CHGA: variants seen among roughly 807,000 people sequenced by gnomAD.
CHGA encodes chromogranin-A.
A neutral mutation model predicts 54.4 loss-of-function variants in CHGA; 41 were observed. That is an observed-to-expected ratio of 0.75 (90% CI 0.59 to 0.98). The LOEUF (loss-of-function observed/expected upper bound fraction) is 0.98, where lower values mean the gene tolerates loss of function less well. Ranked by LOEUF, CHGA falls within the 50% of genes least tolerant of loss-of-function variation. The pLI, the probability that CHGA is intolerant of heterozygous loss-of-function variation, is 0.00. For synonymous variants in CHGA, 249 were observed against 232.8 expected, an observed-to-expected ratio of 1.07 and a Z score of -0.63; for missense variants, 576 against 582.3, an observed-to-expected ratio of 0.99 and a Z score of 0.11.
chr14:92,923,289 T>C lies in CHGA; in HGVS notation c.-71T>C. On this transcript the variant is annotated 5_prime_UTR_variant, in exon 1 of 8. Coordinates refer to ENST00000216492, the MANE Select transcript of CHGA (RefSeq NM_001275.4). Reference sequence around the variant, plus strand: ...ACCGCAGCCCGACCCCGGCCGCCAGTCCAGCCGCCCCTCGCCCGGTGCCTA... The same window carrying C: ...ACCGCAGCCCGACCCCGGCCGCCAGCCCAGCCGCCCCTCGCCCGGTGCCTA... 1 of 1,246,020 alleles carries C rather than the reference T, an allele frequency of 8.0e-7. No individual in the cohort carries two copies. Among genetic ancestry groups the C allele is most frequent in the Non-Finnish European group, 1.0e-6 (1 of 994,306 alleles). 77.2% of individuals were successfully genotyped at this position (1,246,020 alleles called of 1,614,324 possible).
Position 92,923,246 on chromosome 14 carries a change from C to G in CHGA, c.-114C>G, listed in dbSNP as rs923153054. ...GACGCACGCCGAGGCACTGCGCCCC[C>G]AGCCCCGCGCCGGTGCCACCGCAGC... On this transcript the variant is annotated 5_prime_UTR_variant, in exon 1 of 8. Coordinates refer to ENST00000216492, the MANE Select transcript of CHGA (RefSeq NM_001275.4). The G allele has an allele frequency of 7.6e-5, 75 of 991,814 alleles. No homozygotes were observed. The highest frequency in any genetic ancestry group is 8.6e-5 in the Non-Finnish European group (67 of 774,800). 61.4% of individuals were successfully genotyped at this position (991,814 alleles called of 1,614,324 possible). A position where few individuals can be genotyped will look rare whatever the true frequency, so the allele number is the denominator to read the frequency against.
At chr14:92,929,571 A>G (rs1223298772) in intron 4 of CHGA, 146 bp from the exon 5 acceptor site, 5 of 706,626 alleles carry the variant, frequency 7.1e-6, no homozygotes, top group Admixed American at 2.3e-5. Context: ...CCGCTCCCCA[A>G]GCTCACGCCC....
chr14:92,927,664 TGA>T (rs761109376), intron 4 of CHGA, 46 bp downstream of exon 4: 7 of 1,452,436 alleles, frequency 4.8e-6, no homozygotes, highest in South Asian at 3.6e-5. Context: ...TTCCAGTAAC[TGA>T]GAGTCAGAAA....
At chr14:92,925,100 T>C (rs578249040) in intron 2 of CHGA, among the ~76,000 whole-genome samples, 2 of 152,338 alleles carry the variant, frequency 1.3e-5, no homozygotes, top group African/African-American at 4.8e-5. Flanking sequence ...TACCACTCAT[T>C]CTAGCTGTGT....
At position 92,929,775 on chromosome 14, in the gene CHGA, A is replaced by G; in HGVS notation, c.315A>G (p.Ser105=). The change falls in exon 5 of 8, where the codon TCA becomes TCG. Residue 105 remains serine (S), a synonymous_variant. Coordinates refer to ENST00000216492, the MANE Select transcript of CHGA (RefSeq NM_001275.4). ...ACAGCGGTTTTGAAGATGAACTCTC[A>G]GAGGTTCTTGAGAACCAGAGCAGCC... ...KKHSGFEDEL[S]EVLENQSSQA... 6.2e-7 allele frequency: 1 copy of G among 1,613,630 alleles called. No homozygotes were observed. Among genetic ancestry groups the G allele is most frequent in the Non-Finnish European group, 8.5e-7 (1 of 1,180,020 alleles).
At position 92,923,397 on chromosome 14, in the gene CHGA, C is replaced by A; in HGVS notation, c.38C>A (p.Ala13Asp). ...GCTGTCCTGGCTCTTCTGCTCTGCG[C>A]CGGGCAAGGTGAGCGAGCGCGGGGA... ...SAAVLALLLC[A>D]GQVTALPVNS... Residue 13 changes from alanine to aspartate, a missense_variant, in exon 1 of 8, where the codon GCC becomes GAC. Transcript: ENST00000216492. 7.9e-7 allele frequency: 1 copy of A among 1,268,026 alleles called. No individual in the cohort carries two copies. The highest frequency in any genetic ancestry group is 9.9e-7 in the Non-Finnish European group (1 of 1,009,026). The allele number at this position is 1,268,026 out of a possible 1,614,324, so 78.5% of individuals were successfully genotyped here.
At position 92,932,956 on chromosome 14, in the gene CHGA, C is replaced by T. The variant is rs376195304; in HGVS notation, c.1290+105C>T. ...CCCCACTGAGGGGACAGGGCCCCCC[C>T]GCCGAAGTCTGGGGATGGAGAGATG... is the stretch of plus-strand genomic sequence containing the variant. On this transcript the variant is annotated intron_variant, in intron 7 of 7. Transcript: ENST00000216492. This position sits in a 1 kb window ranked among gnomAD's most constrained non-coding sequence, Gnocchi z 5.3. The T allele has an allele frequency of 1.1e-5, 15 of 1,416,580 alleles. No individual in the cohort carries two copies. Among genetic ancestry groups the T allele is most frequent in the African/African-American group, 7.2e-5 (5 of 69,282 alleles). 87.8% of individuals were successfully genotyped at this position (1,416,580 alleles called of 1,614,324 possible).
intron 7 of CHGA, among the ~76,000 whole-genome samples, chr14:92,933,468 A>G (rs1377322082): frequency 6.6e-6 from 1 of 152,150 alleles, no homozygotes; most frequent in African/African-American, 2.4e-5. Flanking sequence ...TTTGAAAACC[A>G]GGGCCCCTGG....
At chr14:92,934,712 C>T in intron 7 of CHGA, 89 bp from the exon 8 acceptor site, 1 of 956,212 alleles carries the variant, frequency 1.0e-6, no homozygotes, top group Non-Finnish European at 1.6e-6. Context: ...TGTCCGAGGC[C>T]ACACAGCTAA....
Position 92,932,243 on chromosome 14 carries a change from C to T in CHGA, c.809-127C>T. ...AAGCCTGGCATCAAGAAGGTTTTTCCCGCTAAGCGTCATCACTGTGGAGAG... is the reference window on the plus strand; with the variant it reads ...AAGCCTGGCATCAAGAAGGTTTTTCTCGCTAAGCGTCATCACTGTGGAGAG... On this transcript the variant is annotated intron_variant, in intron 6 of 7. Coordinates refer to ENST00000216492, the MANE Select transcript of CHGA (RefSeq NM_001275.4). The surrounding 1 kb of genome is among the most constrained non-coding windows in gnomAD (Gnocchi z 5.3). 7.5e-7 allele frequency: 1 copy of T among 1,334,592 alleles called. No individual in the cohort carries two copies. Among genetic ancestry groups the T allele is most frequent in the Non-Finnish European group, 9.9e-7 (1 of 1,005,796 alleles). 82.7% of individuals were successfully genotyped at this position (1,334,592 alleles called of 1,614,324 possible).
Position 92,931,434 on chromosome 14 carries a change from C to T in CHGA, c.540C>T (p.Ala180=), listed in dbSNP as rs1240910112. ...PGEEEEEEEE[A]TNTHPPASLP... ...AGGAAGAGGAGGAGGAGGAGGAGGC[C>T]ACCAACACCCACCCTCCAGCCAGCC... The change falls in exon 6 of 8, where the codon GCC becomes GCT. Residue 180 remains alanine (A), a synonymous_variant. Coordinates refer to ENST00000216492, the MANE Select transcript of CHGA (RefSeq NM_001275.4). The T allele has an allele frequency of 9.3e-6, 15 of 1,607,644 alleles. No individual in the cohort carries two copies. The highest frequency in any genetic ancestry group is 6.8e-5 in the Admixed American group (4 of 58,846).
At position 92,931,321 on chromosome 14, in the gene CHGA, G is replaced by T; in HGVS notation, c.427G>T (p.Gly143Cys). The change falls in exon 6 of 8, where the codon GGT (glycine) becomes TGT (cysteine). Residue 143 changes from glycine (G) to cysteine (C), a missense_variant. Coordinates refer to ENST00000216492, the MANE Select transcript of CHGA (RefSeq NM_001275.4). Reference sequence around the variant, plus strand: ...GGATTCCAAGGAGGCAGAGAAAAGTGGTGAAGCCACAGACGGAGCCAGGCC... The same window carrying T: ...GGATTCCAAGGAGGCAGAGAAAAGTTGTGAAGCCACAGACGGAGCCAGGCC... ...REDSKEAEKS[G>C]EATDGARPQA... 6.2e-7 allele frequency: 1 copy of T among 1,613,718 alleles called. No individual in the cohort carries two copies. The highest frequency in any genetic ancestry group is 8.5e-7 in the Non-Finnish European group (1 of 1,179,980).
rs779394961 is a variant in CHGA at position 92,932,494 on chromosome 14, G to A, written c.933G>A (p.Val311=). The change falls in exon 7 of 8, where the codon GTG becomes GTA. Residue 311 remains valine, a synonymous_variant. Coordinates refer to ENST00000216492, the MANE Select transcript of CHGA (RefSeq NM_001275.4). The surrounding 1 kb of genome is among the most constrained non-coding windows in gnomAD (Gnocchi z 5.3). ...AAGAGGAGGAGGAGGAGATGGCAGT[G>A]GTCCCGCAAGGCCTCTTCCGGGGTG... The part of the protein sequence containing the change: ...QQKEEEEEMA[V]VPQGLFRGGK... The A allele has an allele frequency of 6.4e-7, 1 of 1,554,534 alleles. No homozygotes were observed. Among genetic ancestry groups the A allele is most frequent in the Non-Finnish European group, 8.7e-7 (1 of 1,148,948 alleles).
rs1268250374 is a variant in CHGA, at chr14:92,934,963, G to A, written c.*79G>A. The A allele has an allele frequency of 1.1e-5, 14 of 1,290,894 alleles. No individual in the cohort carries two copies. The highest frequency in any genetic ancestry group is 1.4e-5 in the Non-Finnish European group (13 of 953,556). 80.0% of individuals were successfully genotyped at this position (1,290,894 alleles called of 1,614,324 possible). ...TCCCCTTGGCAGGTCCTGGCCAGAT[G>A]GCCCGGATGCTGCTTCCGGTAGGGA... On this transcript the variant is annotated 3_prime_UTR_variant, in exon 8 of 8. Coordinates refer to ENST00000216492, the MANE Select transcript of CHGA (RefSeq NM_001275.4).
At chr14:92,926,829 C>A in intron 3 of CHGA, 131 bp downstream of exon 3, 2 of 769,226 alleles carry the variant, frequency 2.6e-6, no homozygotes. Flanking sequence ...CATGTCCAGG[C>A]ACTGCACCAG....
chr14:92,925,032 T>A (rs941583), intron 2 of CHGA, among the ~76,000 whole-genome samples: 112,281 of 152,148 alleles, frequency 0.74, 41,734 homozygotes, highest in East Asian at 0.95. Context: ...TTCCAACCTC[T>A]GTTTGCTCAA....
intron 7 of CHGA, among the ~76,000 whole-genome samples, chr14:92,934,318 A>G (rs923297895): frequency 1.3e-5 from 2 of 152,214 alleles, no homozygotes; most frequent in African/African-American, 4.8e-5. Flanking sequence ...AGCCCTAGGC[A>G]GGCTGATGTG....
At chr14:92,929,487 A>T (rs1051472791) in intron 4 of CHGA, among the ~76,000 whole-genome samples, 3 of 152,188 alleles carry the variant, frequency 2.0e-5, no homozygotes, top group Non-Finnish European at 4.4e-5. Context: ...CCTCCCAGGG[A>T]GAAGCTGAGT....
At position 92,931,690 on chromosome 14, in the gene CHGA, C is replaced by T. The variant is rs551223599; in HGVS notation, c.796C>T (p.Arg266Trp). 28 of 1,574,098 alleles carry T rather than the reference C, an allele frequency of 1.8e-5. No individual in the cohort carries two copies. The highest frequency in any genetic ancestry group is 1.2e-4 in the South Asian group (10 of 84,750). ...PHPSLGYKEIRKGESRSEALA... is the reference protein window; with the variant it reads ...PHPSLGYKEIWKGESRSEALA... ...CCCGAGCCTTGGCTACAAGGAGATC[C>T]GGAAAGGCGAGAGTACGTATGATGG... is the stretch of plus-strand genomic sequence containing the variant. The change falls in exon 6 of 8, where the codon CGG (arginine) becomes TGG (tryptophan). Residue 266 changes from arginine to tryptophan, a missense_variant. Physicochemically the swap from Arg to Trp is moderately radical, Grantham distance 101. Transcript: ENST00000216492.
Sources: gnomAD v4.1 joint callset for allele counts (sites outside exome capture counted in the v4.1 genomes callset) on GRCh38, gnomAD v4.1.1 for gene constraint, Gnocchi (gnomAD v3.1) non-coding constraint, MANE v1.5 for transcripts, NCBI Gene and HGNC (gene_info 2026-07-23, HGNC 2026-07-21) for gene names.